COQ7: variants seen among roughly 807,000 people sequenced by gnomAD.
COQ7 encodes the protein NADPH-dependent 3-demethoxyubiquinone 3-hydroxylase, mitochondrial.
A neutral mutation model predicts 25.0 loss-of-function variants in COQ7; 21 were observed. The observed-to-expected ratio is 0.84, with a 90% CI of 0.60 to 1.21. The LOEUF is 1.21. Among genes scored for constraint, COQ7 ranks in the 50% most tolerant of loss-of-function variants. The pLI is 0.00. For missense variants in COQ7, 311 were observed against 296.2 expected (o/e 1.05, Z -0.37); for synonymous variants, 125 against 112.4 (o/e 1.11, Z -0.71).
chr16:19,068,398 T>G (rs748450812), intron 1 of COQ7: 4 of 990,020 alleles, frequency 4.0e-6, no homozygotes, highest in Non-Finnish European at 4.8e-6. Flanking sequence ...CGGCCTATAA[T>G]CTCAGCACTT....
At chr16:19,076,901 A>C (rs1435453177) in intron 4 of COQ7, among the ~76,000 whole-genome samples, 1 of 152,106 alleles carries the variant, frequency 6.6e-6, no homozygotes, top group Non-Finnish European at 1.5e-5. Context: ...CCACTTCTTT[A>C]TCATTGGTAG....
chr16:19,077,682 A>G (rs1350057564), intron 5 of COQ7, among the ~76,000 whole-genome samples: 1 of 141,402 alleles, frequency 7.1e-6, no homozygotes, highest in Non-Finnish European at 1.5e-5. Flanking sequence ...TCCTCCTTCC[A>G]GGTTCAAGCA....
Position 19,075,800 on chromosome 16 carries a change from C to T in COQ7, c.447C>T (p.Tyr149=). ...VAVEESIAHH[Y]NNQIRTLMEE... ...TGGAAGAGAGCATAGCACATCACTA[C>T]AACAACCAGATCAGGACGCTGATGG... Residue 149 remains tyrosine (Y), a synonymous_variant, in exon 4 of 6, where the codon TAC becomes TAT. Coordinates refer to ENST00000321998, the MANE Select transcript of COQ7 (RefSeq NM_016138.5). The T allele has an allele frequency of 1.9e-6, 3 of 1,613,936 alleles. No individual in the cohort carries two copies. The highest frequency in any genetic ancestry group is 2.5e-6 in the Non-Finnish European group (3 of 1,179,882).
downstream of COQ7, among the ~76,000 whole-genome samples, chr16:19,082,757 ACT>A (rs34815324): frequency 0.47 from 70,789 of 149,460 alleles, 20,155 homozygotes; most frequent in East Asian, 0.76. Context: ...ACAGAGTGAG[ACT>A]CTGTCTAAAA....
chr16:19,076,254 A>ATT (rs765074767), intron 4 of COQ7, among the ~76,000 whole-genome samples: 22,189 of 120,480 alleles, frequency 0.18, 2,212 homozygotes, highest in Admixed American at 0.2. Flanking sequence ...CTCACAGCTA[A>ATT]TTTTTTTTTT....
At chr16:19,077,939 GCTTT>G in intron 5 of COQ7, 138 bp from the exon 6 acceptor site, 1 of 565,626 alleles carries the variant, frequency 1.8e-6, no homozygotes, top group South Asian at 2.7e-5. Flanking sequence ...CTTTTGAATA[GCTTT>G]CTTTGAAACT....
downstream of COQ7, among the ~76,000 whole-genome samples, chr16:19,082,975 T>G (rs1596841891): frequency 6.6e-6 from 1 of 151,646 alleles, no homozygotes. Flanking sequence ...AAATAGGGAG[T>G]AACTGCTAAT....
intron 3 of COQ7, among the ~76,000 whole-genome samples, chr16:19,075,263 C>T (rs959688755): frequency 9.0e-5 from 13 of 145,028 alleles, no homozygotes; most frequent in Middle Eastern, 3.9e-3. Flanking sequence ...AGTGCAGTGG[C>T]GTGATCTTGG....
At chr16:19,072,987 G>A (rs538042693) in intron 2 of COQ7, among the ~76,000 whole-genome samples, 107 of 152,252 alleles carry the variant, frequency 7.0e-4, no homozygotes, top group Non-Finnish European at 1.2e-3. Context: ...CTTGGGCAAT[G>A]TGATGAGACT....
In COQ7 at chr16:19,075,730, C is replaced by T. The variant is rs765707914; in HGVS notation, c.377C>T (p.Thr126Ile). Residue 126 changes from threonine (T) to isoleucine (I), a missense_variant, in exon 4 of 6, where the codon ACC becomes ATC. Coordinates refer to ENST00000321998, the MANE Select transcript of COQ7 (RefSeq NM_016138.5). ...GGTTTAACAATCCCAGGGGCGGGGA[C>T]CGCCTTGCTCGGGAAGGAAGGTGCC... ...NVLGFALGAG[T>I]ALLGKEGAMA... 8.0e-5 allele frequency: 126 copies of T among 1,577,892 alleles called. No individual in the cohort carries two copies. The highest frequency in any genetic ancestry group is 9.5e-5 in the Non-Finnish European group (111 of 1,164,144).
chr16:19,082,613 GTC>G (rs1963115869), downstream of COQ7, among the ~76,000 whole-genome samples: 1 of 151,938 alleles, frequency 6.6e-6, no homozygotes, highest in African/African-American at 2.4e-5. Flanking sequence ...GTGAAACCCC[GTC>G]TCTACTAAAA....
chr16:19,071,318 T>C (rs1962546215), intron 1 of COQ7, among the ~76,000 whole-genome samples: 1 of 152,148 alleles, frequency 6.6e-6, no homozygotes, highest in Non-Finnish European at 1.5e-5. Flanking sequence ...GTATTTTTGG[T>C]AGAGATGGGG....
chr16:19,079,509 C>T lies in COQ7; in HGVS notation c.*1351C>T, dbSNP rs1441723432. On this transcript the variant is annotated 3_prime_UTR_variant, in exon 6 of 6. Coordinates refer to ENST00000321998, the MANE Select transcript of COQ7 (RefSeq NM_016138.5). ...TGAAAAACCTAGATCAGTGGATCTC[C>T]TCTCTGGCTGCCCATTAGAATGTCC... The T allele has an allele frequency of 6.6e-6, 1 of 151,602 alleles. No individual in the cohort carries two copies. Among genetic ancestry groups the T allele is most frequent in the Non-Finnish European group, 1.5e-5 (1 of 67,996 alleles). 9.4% of individuals were successfully genotyped at this position (151,602 alleles called of 1,614,324 possible). A position where few individuals can be genotyped will look rare whatever the true frequency, so the allele number is the denominator to read the frequency against.
At chr16:19,068,459 C>T in intron 1 of COQ7, 16 of 928,906 alleles carry the variant, frequency 1.7e-5, no homozygotes, top group Non-Finnish European at 2.1e-5. Flanking sequence ...TGAGACCAGC[C>T]TGGCCAACAT....
chr16:19,074,126 C>T (rs1962709512), intron 3 of COQ7, 91 bp downstream of exon 3: 1 of 856,436 alleles, frequency 1.2e-6, no homozygotes, highest in Non-Finnish European at 1.8e-6. Flanking sequence ...TTGCTGTGTC[C>T]TCTTATGACC....
intron 1 of COQ7, chr16:19,068,321 G>A: frequency 1.0e-6 from 1 of 990,284 alleles, no homozygotes; most frequent in Non-Finnish European, 1.2e-6. Flanking sequence ...TTGGACCCTG[G>A]TTCCTGCTTT....
chr16:19,077,602 T>TTTTTTTTTTTTTTTTTTTTTTTTTTTC (rs1383551592), intron 5 of COQ7, among the ~76,000 whole-genome samples: 4 of 140,266 alleles, frequency 2.9e-5, no homozygotes, highest in Non-Finnish European at 6.3e-5. Flanking sequence ...TTTTTTTTTT[T>TTTTTTTTTTTTTTTTTTTTTTTTTTTC]TTCCCAGACA....
At chr16:19,082,322 A>G (rs1052126803), downstream of COQ7, among the ~76,000 whole-genome samples, 2 of 152,138 alleles carry the variant, frequency 1.3e-5, no homozygotes, top group Non-Finnish European at 2.9e-5. Context: ...TGTCAATGGA[A>G]TGTATTCTTA....
downstream of COQ7, among the ~76,000 whole-genome samples, chr16:19,083,097 A>G (rs1470791242): frequency 2.0e-5 from 3 of 152,198 alleles, no homozygotes; most frequent in Non-Finnish European, 4.4e-5. Context: ...ATTGTATGGC[A>G]TGTAAATTGT....
Sources: allele counts gnomAD v4.1 joint callset (sites outside exome capture counted in the v4.1 genomes callset), GRCh38; gene constraint gnomAD v4.1.1; transcripts MANE v1.5; gene names NCBI Gene and HGNC (gene_info 2026-07-23, HGNC 2026-07-21).